NAV3: variants seen among roughly 807,000 people sequenced by gnomAD.
NAV3 encodes pore membrane and/or filament interacting like protein 1.
NAV3 carries 87 observed loss-of-function variants against 244.7 expected under a neutral mutation model. That is an observed-to-expected ratio of 0.36 (90% CI 0.30 to 0.42). The LOEUF is 0.42. NAV3 is among the 20% of genes least tolerant of loss of function. NAV3 has a pLI of 1.00. For synonymous variants in NAV3, 1,126 were observed against 1,042.2 expected (o/e 1.08, Z -1.55); for missense variants, 2,663 against 2,893.3 (o/e 0.92, Z 1.83).
At chr12:77,952,864 A>T (rs966775232) in intron 3 of NAV3, among the ~76,000 whole-genome samples, 8 of 152,194 alleles carry the variant, frequency 5.3e-5, no homozygotes, top group African/African-American at 9.6e-5. Context: ...TGGTAAAATT[A>T]TGAATTTGGC....
chr12:77,824,701 T>A (rs11612712), intron 2 of NAV3, among the ~76,000 whole-genome samples: 2,654 of 152,054 alleles, frequency 0.017, 33 homozygotes, highest in Non-Finnish European at 0.027. Context: ...GAGACCAGCC[T>A]GGCCAATATG....
chr12:77,861,611 C>A (rs1834151687), intron 1 of NAV3, among the ~76,000 whole-genome samples: 1 of 151,664 alleles, frequency 6.6e-6, no homozygotes, highest in African/African-American at 2.4e-5. Context: ...GCTACATAAG[C>A]AATAGGATGC....
At chr12:78,194,628 A>G (rs919098306) in intron 34 of NAV3, among the ~76,000 whole-genome samples, 5 of 152,050 alleles carry the variant, frequency 3.3e-5, no homozygotes, top group Non-Finnish European at 7.4e-5. Flanking sequence ...CTACTTACTC[A>G]GGTCACCAGA....
At chr12:78,184,009 G>GGTC (rs1454572125) in intron 30 of NAV3, among the ~76,000 whole-genome samples, 5 of 151,684 alleles carry the variant, frequency 3.3e-5, no homozygotes, top group Non-Finnish European at 7.4e-5. Flanking sequence ...TCAGCCTTCT[G>GGTC]GTCTTATCTC....
intron 2 of NAV3, among the ~76,000 whole-genome samples, chr12:77,716,949 G>A (rs1253984194): frequency 6.6e-6 from 1 of 152,000 alleles, no homozygotes; most frequent in Admixed American, 6.6e-5. Context: ...GAAATTTCCT[G>A]TAATGTTTTT....
At chr12:77,741,170 A>AAAAAAAAAAAAAAAAAAAAAAAAAAC (rs1868328221) in intron 2 of NAV3, among the ~76,000 whole-genome samples, 1 of 147,576 alleles carries the variant, frequency 6.8e-6, no homozygotes, top group Non-Finnish European at 1.5e-5. Context: ...AAAAAAAGAA[A>AAAAAAAAAAAAAAAAAAAAAAAAAAC]AGAAAGAAAA....
chr12:77,573,915 A>C (rs1868953283), intron 2 of NAV3, among the ~76,000 whole-genome samples: 1 of 152,196 alleles, frequency 6.6e-6, no homozygotes, highest in South Asian at 2.1e-4. Context: ...ACGAATTCTT[A>C]GAGTCATCCT....
chr12:77,963,826 C>A (rs1892252371), intron 3 of NAV3, among the ~76,000 whole-genome samples: 1 of 150,232 alleles, frequency 6.7e-6, no homozygotes, highest in Non-Finnish European at 1.5e-5. Context: ...TGTTGTTCTC[C>A]TTCCCCTTCC....
intron 2 of NAV3, among the ~76,000 whole-genome samples, chr12:77,670,246 A>C (rs545802154): frequency 1.4e-4 from 22 of 152,258 alleles, no homozygotes; most frequent in Admixed American, 5.2e-4. Flanking sequence ...TTAAACCAGA[A>C]AGATATAGAA....
At chr12:78,162,670 C>T (rs916494413) in intron 23 of NAV3, among the ~76,000 whole-genome samples, 12 of 150,748 alleles carry the variant, frequency 8.0e-5, no homozygotes, top group African/African-American at 2.9e-4. Context: ...TCAAGACCAG[C>T]CTGGCCAACA....
intron 5 of NAV3, among the ~76,000 whole-genome samples, chr12:77,981,911 A>G (rs1869637022): frequency 6.6e-6 from 1 of 152,156 alleles, no homozygotes; most frequent in Non-Finnish European, 1.5e-5. Flanking sequence ...GATTCTGAAT[A>G]GGGATTTCTT....
rs543651188 is a variant in NAV3, at chr12:78,027,591, C to A, written c.2023+5729C>A. Among the ~76,000 whole-genome samples, 83 of 152,306 alleles carry A rather than the reference C, an allele frequency of 5.4e-4. 1 individual carries two copies. Among genetic ancestry groups the A allele is most frequent in the Non-Finnish European group, 9.8e-4 (67 of 68,022 alleles). ...ATGCCACTAGTGGAAAATTCCAAAC[C>A]TGACCTCCTGTGACAAATTGCAGTC... On this transcript the variant is annotated intron_variant, in intron 9 of 39. Transcript: ENST00000397909.
chr12:77,684,408 TGA>T (rs1355713250), intron 2 of NAV3, among the ~76,000 whole-genome samples: 4 of 152,170 alleles, frequency 2.6e-5, no homozygotes, highest in Non-Finnish European at 5.9e-5. Context: ...TCTTGTTTTT[TGA>T]CAGTGTTTTA....
At chr12:77,840,550 A>G (rs1267385503) in intron 1 of NAV3, among the ~76,000 whole-genome samples, 1 of 152,220 alleles carries the variant, frequency 6.6e-6, no homozygotes, top group African/African-American at 2.4e-5. Context: ...ATTAATCATC[A>G]GCAATCCAAA....
chr12:77,723,754 A>AATTTT (rs1876745632), intron 2 of NAV3, among the ~76,000 whole-genome samples: 1 of 13,678 alleles, frequency 7.3e-5, no homozygotes, highest in Non-Finnish European at 1.6e-4. Context: ...GGCAATCTTG[A>AATTTT]CTTTTTTTTT....
intron 5 of NAV3, among the ~76,000 whole-genome samples, chr12:77,973,969 T>A (rs199975894): frequency 2.6e-5 from 4 of 151,532 alleles, no homozygotes; most frequent in East Asian, 3.9e-4. Context: ...TAGAGAGAAA[T>A]AATTGAAGAG....
intron 2 of NAV3, among the ~76,000 whole-genome samples, chr12:77,771,231 T>C (rs886426406): frequency 1.3e-5 from 2 of 152,160 alleles, no homozygotes; most frequent in East Asian, 1.9e-4. Flanking sequence ...CTCACACCAG[T>C]TAGAATGGCG....
intron 12 of NAV3, among the ~76,000 whole-genome samples, chr12:78,062,990 C>G (rs925192352): frequency 3.9e-5 from 6 of 152,078 alleles, no homozygotes; most frequent in African/African-American, 1.2e-4. Flanking sequence ...CAGCCAGCTA[C>G]CTAGCATAGC....
chr12:78,182,807 C>G (rs773433734), intron 30 of NAV3, among the ~76,000 whole-genome samples: 1 of 151,650 alleles, frequency 6.6e-6, no homozygotes, highest in Admixed American at 6.6e-5. Context: ...TATGTCTGAA[C>G]TAAAAAAATT....
Sources: allele counts gnomAD v4.1 joint callset (sites outside exome capture counted in the v4.1 genomes callset), GRCh38; gene constraint gnomAD v4.1.1; transcripts MANE v1.5; gene names NCBI Gene and HGNC (gene_info 2026-07-23, HGNC 2026-07-21).